Variants in LMX1A observed in about 807,000 individuals in gnomAD.
The protein encoded by LMX1A is LIM homeobox transcription factor 1-alpha.
A neutral mutation model predicts 49.1 loss-of-function variants in LMX1A; 15 were observed. The ratio of observed to expected loss-of-function variants is 0.31; its 90% CI spans 0.20 to 0.47. The LOEUF (loss-of-function observed/expected upper bound fraction) is 0.47. Ranked by LOEUF, LMX1A falls within the 20% of genes least tolerant of loss-of-function variation. The pLI is 1.00. For missense variants in LMX1A, 372 were observed against 475.8 expected (o/e 0.78, Z 2.03); for synonymous variants, 167 against 185.7 (o/e 0.90, Z 0.82).
chr1:165,218,353 C>T (rs1255782233), intron 4 of LMX1A: 2 of 152,264 alleles, frequency 1.3e-5, no homozygotes, highest in Admixed American at 6.5e-5. Context: ...GGCATCCTGG[C>T]ACATCTGAGC....
At chr1:165,223,043 TA>T (rs1435776068) in intron 4 of LMX1A, among the ~76,000 whole-genome samples, 4 of 150,642 alleles carry the variant, frequency 2.7e-5, no homozygotes, top group Non-Finnish European at 5.9e-5. Flanking sequence ...GGGGGAGTGA[TA>T]AAAAATGCTC....
At chr1:165,330,054 T>C (rs1655701197) in intron 3 of LMX1A, among the ~76,000 whole-genome samples, 1 of 152,238 alleles carries the variant, frequency 6.6e-6, no homozygotes, top group Admixed American at 6.5e-5. Context: ...TAACTCTAAG[T>C]GTTTTATATA....
intron 3 of LMX1A, among the ~76,000 whole-genome samples, chr1:165,289,804 C>G (rs1235782268): frequency 6.6e-6 from 1 of 152,208 alleles, no homozygotes; most frequent in Non-Finnish European, 1.5e-5. Context: ...GGGGTTAGAT[C>G]TGATAGGAGT....
intron 4 of LMX1A, among the ~76,000 whole-genome samples, chr1:165,235,422 A>ACACACT (rs397863584): frequency 2.9e-5 from 4 of 137,364 alleles, no homozygotes; most frequent in African/African-American, 5.7e-5. Context: ...ACACACACAC[A>ACACACT]CTCACACTCA....
At chr1:165,280,782 T>C (rs1343517871) in intron 3 of LMX1A, among the ~76,000 whole-genome samples, 1 of 152,168 alleles carries the variant, frequency 6.6e-6, no homozygotes, top group Non-Finnish European at 1.5e-5. Context: ...CAAACAGTAC[T>C]GAACTTTATT....
At chr1:165,270,552 T>C (rs1653764046) in intron 3 of LMX1A, among the ~76,000 whole-genome samples, 1 of 152,174 alleles carries the variant, frequency 6.6e-6, no homozygotes, top group Non-Finnish European at 1.5e-5. Flanking sequence ...ACTCAAGGTG[T>C]GTCAAACAGT....
chr1:165,204,082 G>A, intron 8 of LMX1A, 42 bp from the exon 9 acceptor site: 3 of 1,604,642 alleles, frequency 1.9e-6, no homozygotes, highest in Non-Finnish European at 2.6e-6. Context: ...TCTTGAAGAA[G>A]TGACTCATTT....
rs775885551 is a variant in LMX1A at position 165,213,653 on chromosome 1, C to T, written c.657G>A (p.Lys219=). 4 of 1,614,008 alleles carry T rather than the reference C, an allele frequency of 2.5e-6. No homozygotes were observed. The highest frequency in any genetic ancestry group is 1.1e-5 in the South Asian group (1 of 91,058). The part of the protein sequence containing the change: ...AFKASFEVSS[K]PCRKVRETLA... ...CTCCCTCCTATACCTTCCTGCAGGGCTTGGAGGATACTTCAAATGAGGCCT... is the reference window on the plus strand; with the variant it reads ...CTCCCTCCTATACCTTCCTGCAGGGTTTGGAGGATACTTCAAATGAGGCCT... Residue 219 remains lysine, a synonymous_variant, in exon 5 of 9, where the codon AAG becomes AAA. Coordinates refer to ENST00000342310, the MANE Select transcript of LMX1A (RefSeq NM_177398.4).
intron 3 of LMX1A, among the ~76,000 whole-genome samples, chr1:165,258,006 G>T (rs1376470279): frequency 1.3e-5 from 2 of 152,202 alleles, no homozygotes; most frequent in Non-Finnish European, 2.9e-5. Context: ...CCACCGATAT[G>T]AGTTTTGATG....
intron 4 of LMX1A, among the ~76,000 whole-genome samples, chr1:165,216,622 C>T (rs6674957): frequency 0.12 from 17,989 of 152,258 alleles, 1,170 homozygotes; most frequent in South Asian, 0.24. Flanking sequence ...CCAGAAACCT[C>T]ATCCCTCATA....
At chr1:165,251,798 T>A (rs1348639791) in intron 3 of LMX1A, among the ~76,000 whole-genome samples, 1 of 152,116 alleles carries the variant, frequency 6.6e-6, no homozygotes, top group Non-Finnish European at 1.5e-5. Context: ...CCCCCTAGCC[T>A]GAAGTGACTG....
At chr1:165,263,119 T>C (rs992507885) in intron 3 of LMX1A, among the ~76,000 whole-genome samples, 11 of 152,228 alleles carry the variant, frequency 7.2e-5, no homozygotes, top group Admixed American at 3.3e-4. Context: ...TTCTCTTCTT[T>C]ATCTATGCTC....
intron 4 of LMX1A, among the ~76,000 whole-genome samples, chr1:165,246,200 C>G (rs1232341305): frequency 6.6e-6 from 1 of 152,116 alleles, no homozygotes; most frequent in Admixed American, 6.6e-5. Flanking sequence ...TCATGCTAAG[C>G]TTTGTTAAGG....
Position 165,203,771 on chromosome 1 carries a change from C to T in LMX1A, c.*109G>A. 1.0e-6 allele frequency: 1 copy of T among 972,424 alleles called. No individual in the cohort carries two copies. Among genetic ancestry groups the T allele is most frequent in the Non-Finnish European group, 1.6e-6 (1 of 636,356 alleles). 60.2% of individuals were successfully genotyped at this position (972,424 alleles called of 1,614,324 possible). The stretch of plus-strand genomic sequence containing the variant: ...ATACAACAGCATCCCCAACAAAACT[C>T]CCTCCCCAACCCACCTCTTCCCTGG... On this transcript the variant is annotated 3_prime_UTR_variant, in exon 9 of 9. Transcript: ENST00000342310.
At chr1:165,295,881 G>T (rs1298302519) in intron 3 of LMX1A, among the ~76,000 whole-genome samples, 1 of 152,116 alleles carries the variant, frequency 6.6e-6, no homozygotes, top group Non-Finnish European at 1.5e-5. Flanking sequence ...TCGAACATAT[G>T]GGCCTGGAAT....
chr1:165,354,250 C>G (rs1171372079), intron 2 of LMX1A, among the ~76,000 whole-genome samples: 1 of 152,148 alleles, frequency 6.6e-6, no homozygotes, highest in Non-Finnish European at 1.5e-5. Context: ...TCTCCCCTTC[C>G]GAGAGGCCCG....
chr1:165,272,583 T>G (rs1004611460), intron 3 of LMX1A, among the ~76,000 whole-genome samples: 21 of 152,148 alleles, frequency 1.4e-4, no homozygotes, highest in Admixed American at 1.4e-3. Flanking sequence ...TAGTGGCGAT[T>G]TGGGAGGACC....
rs1355309388 is a variant in LMX1A, at chr1:165,353,151, G to A, written c.188C>T (p.Ala63Val). The change falls in exon 3 of 9, where the codon GCC becomes GTC. Residue 63 changes from alanine to valine, a missense_variant. Transcript: ENST00000342310. ...GGTCTCCAGGGGCTCTTTGCAGGAG[G>A]CGCACTGCACGCACTGCTCATGCCA... is the stretch of plus-strand genomic sequence containing the variant. ...SFWHEQCVQC[A>V]SCKEPLETTC... is the part of the protein sequence containing the mutation. 4.3e-6 allele frequency: 7 copies of A among 1,614,158 alleles called. No homozygotes were observed. The highest frequency in any genetic ancestry group is 5.9e-6 in the Non-Finnish European group (7 of 1,180,010).
intron 3 of LMX1A, among the ~76,000 whole-genome samples, chr1:165,303,388 G>A (rs1654838058): frequency 6.6e-6 from 1 of 152,162 alleles, no homozygotes; most frequent in African/African-American, 2.4e-5. Flanking sequence ...AATGTGCTGG[G>A]GGCTGGGAAC....
Sources: allele counts gnomAD v4.1 joint callset (sites outside exome capture counted in the v4.1 genomes callset), GRCh38; gene constraint gnomAD v4.1.1; transcripts MANE v1.5; gene names NCBI Gene and HGNC (gene_info 2026-07-23, HGNC 2026-07-21).